The following ATXN10 variants were observed in gnomAD, a reference collection of about 807,000 sequenced individuals.
The protein encoded by ATXN10 is ataxin 10, also known as ataxin-10.
In ATXN10, 28 loss-of-function variants were observed where a neutral mutation model predicts 52.9. The ratio of observed to expected loss-of-function variants is 0.53; its 90% CI spans 0.39 to 0.73. ATXN10 has a LOEUF of 0.73. ATXN10 is among the 30% of genes least tolerant of loss of function. The probability of loss-of-function intolerance (pLI) is 0.00; values close to 1 mark genes in which losing one functional copy is unlikely to be tolerated. For missense variants in ATXN10, 565 were observed against 577.0 expected (o/e 0.98, Z 0.21); for synonymous variants, 226 against 221.5 (o/e 1.02, Z -0.18).
At chr22:45,761,637 T>C (rs1326556274) in intron 9 of ATXN10, among the ~76,000 whole-genome samples, 2 of 152,246 alleles carry the variant, frequency 1.3e-5, no homozygotes, top group South Asian at 2.1e-4. Flanking sequence ...TGGAACATTT[T>C]ATGCAAGCCT....
Position 45,757,799 on chromosome 22 carries a change from A to G in ATXN10, c.1173+17261A>G, listed in dbSNP as rs1926229323. Among the ~76,000 whole-genome samples, 1 of 152,150 alleles carries G rather than the reference A, an allele frequency of 6.6e-6. No individual in the cohort carries two copies. Reference sequence around the variant, plus strand: ...GATTCTCTTTTAAGAATTATTCTCTATTAGTACTTTTCTTACATGATTCAA... The same window carrying G: ...GATTCTCTTTTAAGAATTATTCTCTGTTAGTACTTTTCTTACATGATTCAA... On this transcript the variant is annotated intron_variant, in intron 9 of 11. Transcript: ENST00000252934. This position sits in a 1 kb window ranked among gnomAD's most constrained non-coding sequence, Gnocchi z 4.6.
chr22:45,761,358 C>T (rs925239705), intron 9 of ATXN10, among the ~76,000 whole-genome samples: 2 of 152,220 alleles, frequency 1.3e-5, no homozygotes, highest in African/African-American at 4.8e-5. Context: ...GCTCCTCATT[C>T]TCTCCAGGGC....
At chr22:45,672,421 A>G (rs1411834279) in intron 1 of ATXN10, 1 of 232,648 alleles carries the variant, frequency 4.3e-6, no homozygotes, top group Non-Finnish European at 7.9e-6. Context: ...CCGGGTGCGA[A>G]GCCGCGATCC....
chr22:45,702,751 C>T lies in ATXN10; in HGVS notation c.551C>T (p.Ser184Phe), dbSNP rs374818452. ...VAYSSMILFT[S>F]LNHERMKELE... ...TACTCTTCAATGATTTTGTTTACAT[C>T]CCTTAATCATGAAAGAATGAAAGAA... The change falls in exon 5 of 12, where the codon TCC (serine) becomes TTC (phenylalanine). Residue 184 changes from serine to phenylalanine, a missense_variant. Transcript: ENST00000252934. 5 of 1,613,944 alleles carry T rather than the reference C, an allele frequency of 3.1e-6. No homozygotes were observed. Among genetic ancestry groups the T allele is most frequent in the South Asian group, 1.1e-5 (1 of 91,074 alleles).
rs1342013875 is a variant in ATXN10, at chr22:45,842,187, T to G, written c.1238-804T>G. Reference sequence around the variant, plus strand: ...GAAGACTGGTCCCTGCAGTAGTTTTTGTACAGTCCTTTATAGAACTACATA... The same window carrying G: ...GAAGACTGGTCCCTGCAGTAGTTTTGGTACAGTCCTTTATAGAACTACATA... On this transcript the variant is annotated intron_variant, in intron 10 of 11. Coordinates refer to ENST00000252934, the MANE Select transcript of ATXN10 (RefSeq NM_013236.4). This position sits in a 1 kb window ranked among gnomAD's most constrained non-coding sequence, Gnocchi z 4.8. Among the ~76,000 whole-genome samples the G allele has an allele frequency of 1.3e-5, 2 of 152,182 alleles. No individual in the cohort carries two copies. Among genetic ancestry groups the G allele is most frequent in the Admixed American group, 6.5e-5 (1 of 15,288 alleles).
At chr22:45,839,916 C>T (rs954963675) in intron 10 of ATXN10, among the ~76,000 whole-genome samples, 1 of 152,210 alleles carries the variant, frequency 6.6e-6, no homozygotes, top group Non-Finnish European at 1.5e-5. Context: ...CCGCCATGGC[C>T]CCACCCACGT....
At chr22:45,812,701 T>C (rs1284007240) in intron 10 of ATXN10, among the ~76,000 whole-genome samples, 3 of 152,224 alleles carry the variant, frequency 2.0e-5, no homozygotes, top group Non-Finnish European at 2.9e-5. Context: ...TTAGTGCTGG[T>C]GTCGAATATC....
At chr22:45,803,265 C>G (rs1055968380) in intron 9 of ATXN10, among the ~76,000 whole-genome samples, 6 of 152,234 alleles carry the variant, frequency 3.9e-5, no homozygotes, top group African/African-American at 1.2e-4. Context: ...AGTGGCCACT[C>G]TTAATCCCTA....
chr22:45,807,046 T>C (rs1163309000), intron 10 of ATXN10, 24 bp downstream of exon 10: 1 of 1,606,144 alleles, frequency 6.2e-7, no homozygotes, highest in Admixed American at 1.7e-5. Context: ...TGAATTACCA[T>C]GCACAAGTTT....
chr22:45,673,075 A>G (rs1449277837), intron 1 of ATXN10: 1 of 152,272 alleles, frequency 6.6e-6, no homozygotes, highest in Non-Finnish European at 1.5e-5. Flanking sequence ...TGATAGTGTC[A>G]TAAGGAGTAA....
In ATXN10 at chr22:45,715,858, A is replaced by AG. The variant is rs1194958193; in HGVS notation, c.648-2554dup. Among the ~76,000 whole-genome samples, 1 of 152,254 alleles carries AG rather than the reference A, an allele frequency of 6.6e-6. No homozygotes were observed. Among genetic ancestry groups the AG allele is most frequent in the East Asian group, 1.9e-4 (1 of 5,204 alleles). Reference sequence around the variant, plus strand: ...TTCTCTTACTCATAAGATGATTTCTAGAAAAATTCCAAACTTTTGGAAATT... The same window carrying AG: ...TTCTCTTACTCATAAGATGATTTCTAGGAAAAATTCCAAACTTTTGGAAATT... On this transcript the variant is annotated intron_variant, in intron 5 of 11. Transcript: ENST00000252934. This position sits in a 1 kb window ranked among gnomAD's most constrained non-coding sequence, Gnocchi z 4.4.
rs1413819374 is a variant in ATXN10 at position 45,844,710 on chromosome 22, AAAC to A, written c.*1041_*1043del. On this transcript the variant is annotated 3_prime_UTR_variant, in exon 12 of 12. Coordinates refer to ENST00000252934, the MANE Select transcript of ATXN10 (RefSeq NM_013236.4). ...GGGGAGGTCACGTTGTGAATGCTTA[AAAC>A]ATATTATTTTCTTCAACAACCATAT... 1 of 152,216 alleles carries A rather than the reference AAAC, an allele frequency of 6.6e-6. No homozygotes were observed. The highest frequency in any genetic ancestry group is 1.5e-5 in the Non-Finnish European group (1 of 68,036). The allele number at this position is 152,216 out of a possible 1,614,324, so 9.4% of individuals were successfully genotyped here.
intron 9 of ATXN10, among the ~76,000 whole-genome samples, chr22:45,796,607 A>C: frequency 6.6e-6 from 1 of 152,000 alleles, no homozygotes. Context: ...CTTTCTCTTT[A>C]TTTCTCAGAC....
chr22:45,699,402 G>A (rs1923745548), intron 3 of ATXN10, among the ~76,000 whole-genome samples: 2 of 151,136 alleles, frequency 1.3e-5, no homozygotes, highest in Admixed American at 1.3e-4. Context: ...CTATACTGTT[G>A]GCTTTTTGCA....
At chr22:45,738,567 C>A in intron 7 of ATXN10, 164 bp from the exon 8 acceptor site, 4 of 605,014 alleles carry the variant, frequency 6.6e-6, no homozygotes, top group Admixed American at 5.8e-5. Flanking sequence ...GTACATATTT[C>A]ATACTTCTGT....
chr22:45,793,758 T>C, intron 9 of ATXN10: 1 of 1,417,670 alleles, frequency 7.1e-7, no homozygotes, highest in Non-Finnish European at 9.3e-7. Context: ...ATTCCTGCCT[T>C]TCCCCAGTGA....
At chr22:45,714,044 T>C (rs977619524) in intron 5 of ATXN10, among the ~76,000 whole-genome samples, 4 of 152,214 alleles carry the variant, frequency 2.6e-5, no homozygotes, top group African/African-American at 4.8e-5. Context: ...TGTACTGTTA[T>C]AATTTTGACA....
rs897379665 is a variant in ATXN10 at position 45,805,234 on chromosome 22, T to G, written c.1174-1725T>G. ...AGTGTTTATGAGATTGTGGAGATGCTGGAACCCTCATAAATTGCTGGGTGA... is the reference window on the plus strand; with the variant it reads ...AGTGTTTATGAGATTGTGGAGATGCGGGAACCCTCATAAATTGCTGGGTGA... On this transcript the variant is annotated intron_variant, in intron 9 of 11. Transcript: ENST00000252934. This position sits in a 1 kb window ranked among gnomAD's most constrained non-coding sequence, Gnocchi z 4.4. 6.6e-6 allele frequency among the ~76,000 whole-genome samples: 1 copy of G among 152,204 alleles called. No individual in the cohort carries two copies. Among genetic ancestry groups the G allele is most frequent in the Non-Finnish European group, 1.5e-5 (1 of 68,038 alleles).
intron 1 of ATXN10, among the ~76,000 whole-genome samples, chr22:45,686,818 CAAA>C (rs66702783): frequency 2.3e-4 from 29 of 123,480 alleles, no homozygotes; most frequent in Admixed American, 3.3e-4. Context: ...GACTCCATCT[CAAA>C]AAAAAAAAAA....
Sources: allele counts gnomAD v4.1 joint callset (sites outside exome capture counted in the v4.1 genomes callset), GRCh38; gene constraint gnomAD v4.1.1; non-coding constraint Gnocchi (gnomAD v3.1); transcripts MANE v1.5; gene names NCBI Gene and HGNC (gene_info 2026-07-23, HGNC 2026-07-21).